Variants in DIPK1A observed in about 807,000 individuals in gnomAD.
DIPK1A encodes the protein divergent protein kinase domain 1A, also known as family with sequence similarity 69 member A.
DIPK1A carries 27 observed loss-of-function variants against 40.8 expected under a neutral mutation model. That is an observed-to-expected ratio of 0.66 (90% CI 0.49 to 0.91). The LOEUF is 0.91. Ranked by LOEUF, DIPK1A falls within the 40% of genes least tolerant of loss-of-function variation. DIPK1A has a pLI of 0.00. For missense variants in DIPK1A, 412 were observed against 505.7 expected, an observed-to-expected ratio of 0.81 and a Z score of 1.78; for synonymous variants, 166 against 171.3, an observed-to-expected ratio of 0.97 and a Z score of 0.24.
chr1:92,867,070 A>G (rs189409247), intron 2 of DIPK1A, among the ~76,000 whole-genome samples: 3 of 152,328 alleles, frequency 2.0e-5, no homozygotes, highest in East Asian at 3.9e-4. Context: ...TTGTCTTTCA[A>G]TACATGAACT....
downstream of DIPK1A, chr1:92,840,630 A>G: frequency 6.2e-7 from 1 of 1,608,612 alleles, no homozygotes; most frequent in Non-Finnish European, 8.5e-7. Context: ...AAAGAAGTTA[A>G]AAAGAAGAGG....
At chr1:92,940,290 C>T (rs1217741919) in intron 1 of DIPK1A, among the ~76,000 whole-genome samples, 1 of 152,198 alleles carries the variant, frequency 6.6e-6, no homozygotes, top group Non-Finnish European at 1.5e-5. Flanking sequence ...TCCTTTTTCT[C>T]TCTTGCCTGT....
intron 1 of DIPK1A, among the ~76,000 whole-genome samples, chr1:92,930,102 C>T (rs1476342652): frequency 6.6e-6 from 1 of 152,190 alleles, no homozygotes; most frequent in Non-Finnish European, 1.5e-5. Flanking sequence ...TTCCTTGTTT[C>T]TGACTCCCTG....
intron 4 of DIPK1A, chr1:92,833,618 C>T (rs1571024367): frequency 1.2e-6 from 2 of 1,612,352 alleles, no homozygotes; most frequent in East Asian, 2.2e-5. Context: ...CACCCAAATA[C>T]AGGATGATAG....
chr1:92,940,341 C>T (rs1651104334), intron 1 of DIPK1A, among the ~76,000 whole-genome samples: 1 of 152,188 alleles, frequency 6.6e-6, no homozygotes. Flanking sequence ...GAGCACATCC[C>T]TTGACCTTGA....
Position 92,843,473 on chromosome 1 carries a change from T to C in DIPK1A, c.1197A>G (p.Thr399=), listed in dbSNP as rs1358017486. 3.9e-6 allele frequency: 6 copies of C among 1,551,622 alleles called. No homozygotes were observed. The highest frequency in any genetic ancestry group is 5.2e-6 in the Non-Finnish European group (6 of 1,146,914). ...AATGTTCCATTTCCATTTGATTTGC[T>C]GTGACTTTGAGAGCAATACAAGAAT... ...QLYSCIALKV[T]ANQMEMEHSL... The change falls in exon 5 of 5, where the codon ACA becomes ACG. Residue 399 remains threonine (T), a synonymous_variant. Transcript: ENST00000370310.
chr1:92,879,260 A>G (rs530063681), intron 1 of DIPK1A, among the ~76,000 whole-genome samples: 1 of 152,314 alleles, frequency 6.6e-6, no homozygotes, highest in Admixed American at 6.5e-5. Context: ...CCTGTAAAAA[A>G]TGACATTTAT....
intron 1 of DIPK1A, among the ~76,000 whole-genome samples, chr1:92,927,831 TACC>T (rs1650582754): frequency 6.6e-6 from 1 of 152,246 alleles, no homozygotes; most frequent in East Asian, 1.9e-4. Flanking sequence ...TGTATGGATA[TACC>T]ACATTTTATT....
chr1:92,906,672 G>A (rs1370459468), intron 1 of DIPK1A, among the ~76,000 whole-genome samples: 1 of 152,242 alleles, frequency 6.6e-6, no homozygotes. Flanking sequence ...AAAGCATGCA[G>A]ATGAGTGAAA....
chr1:92,912,263 A>T (rs568590508), intron 1 of DIPK1A, among the ~76,000 whole-genome samples: 251 of 152,186 alleles, frequency 1.6e-3, no homozygotes, highest in Middle Eastern at 6.8e-3. Context: ...TGTTACGAGA[A>T]TGTTTAAGTT....
At chr1:92,872,675 TA>T (rs1397180076) in intron 2 of DIPK1A, among the ~76,000 whole-genome samples, 1 of 152,194 alleles carries the variant, frequency 6.6e-6, no homozygotes, top group Non-Finnish European at 1.5e-5. Flanking sequence ...CTGATCACCT[TA>T]ACAAAATCAG....
chr1:92,837,766 T>C (rs1571032390), downstream of DIPK1A: 1 of 745,710 alleles, frequency 1.3e-6, no homozygotes, highest in African/African-American at 1.8e-5. Context: ...CAACATTCTT[T>C]TAGTAATCTT....
At chr1:92,930,814 C>T (rs1385599517) in intron 1 of DIPK1A, 1 of 152,184 alleles carries the variant, frequency 6.6e-6, no homozygotes, top group Non-Finnish European at 1.5e-5. Context: ...TTCTAAAAGT[C>T]TCCAATAAAC....
chr1:92,835,621 T>TTGC (rs1399864012), intron 4 of DIPK1A, among the ~76,000 whole-genome samples: 1 of 148,992 alleles, frequency 6.7e-6, no homozygotes, highest in African/African-American at 2.5e-5. Context: ...GATCACGCCA[T>TTGC]TGCACTCCAG....
intron 1 of DIPK1A, among the ~76,000 whole-genome samples, chr1:92,912,154 C>G (rs1294887178): frequency 1.3e-5 from 2 of 151,628 alleles, no homozygotes; most frequent in Admixed American, 6.6e-5. Context: ...CATTTGTTGT[C>G]ATTGGTTTCA....
intron 1 of DIPK1A, among the ~76,000 whole-genome samples, chr1:92,885,607 C>T (rs995542119): frequency 1.3e-5 from 2 of 152,182 alleles, no homozygotes; most frequent in Non-Finnish European, 2.9e-5. Context: ...CCGCCCACCT[C>T]GGCCTCCCAA....
chr1:92,843,067 C>G lies in DIPK1A; in HGVS notation c.*316G>C. ...CATTGGTATTTTGGCTAAGGTAAAT[C>G]TACAAATCACTCACTGTTGATGTTT... On this transcript the variant is annotated 3_prime_UTR_variant, in exon 5 of 5. Transcript: ENST00000370310. 1 of 1,030,460 alleles carries G rather than the reference C, an allele frequency of 9.7e-7. No homozygotes were observed. Among genetic ancestry groups the G allele is most frequent in the Non-Finnish European group, 1.2e-6 (1 of 859,670 alleles). 63.8% of individuals were successfully genotyped at this position (1,030,460 alleles called of 1,614,324 possible).
chr1:92,958,959 T>C (rs775713169), intron 1 of DIPK1A, among the ~76,000 whole-genome samples: 10 of 152,186 alleles, frequency 6.6e-5, no homozygotes, highest in Non-Finnish European at 1.5e-4. Context: ...GGTACTGAGA[T>C]GAAATGATGT....
intron 1 of DIPK1A, among the ~76,000 whole-genome samples, chr1:92,919,547 G>A (rs770048059): frequency 6.6e-6 from 1 of 152,032 alleles, no homozygotes; most frequent in East Asian, 1.9e-4. Context: ...AGGATACCCC[G>A]TACACCCTAA....
Sources: allele counts gnomAD v4.1 joint callset (sites outside exome capture counted in the v4.1 genomes callset), GRCh38; gene constraint gnomAD v4.1.1; transcripts MANE v1.5; gene names NCBI Gene and HGNC (gene_info 2026-07-23, HGNC 2026-07-21).